GSKIP: variants seen among roughly 807,000 people sequenced by gnomAD.
GSKIP encodes the protein GSK3B interacting protein.
GSKIP carries 5 observed loss-of-function variants against 11.9 expected under a neutral mutation model. The ratio of observed to expected loss-of-function variants is 0.42; its 90% confidence interval spans 0.22 to 0.89. The LOEUF is 0.89. Among genes scored for constraint, GSKIP ranks in the 40% least tolerant of loss-of-function variants. The pLI is 0.29. For synonymous variants in GSKIP, 70 were observed against 62.9 expected (o/e 1.11, Z -0.54); for missense variants, 150 against 166.6 (o/e 0.90, Z 0.55).
At chr14:96,373,785 A>C (rs1429519152) in intron 1 of GSKIP, among the ~76,000 whole-genome samples, 1 of 152,230 alleles carries the variant, frequency 6.6e-6, no homozygotes, top group Non-Finnish European at 1.5e-5. Context: ...TCTTGTCTAA[A>C]AGCAAGACCC....
At chr14:96,372,104 T>C (rs1361113999) in intron 1 of GSKIP, among the ~76,000 whole-genome samples, 1 of 152,236 alleles carries the variant, frequency 6.6e-6, no homozygotes, top group Non-Finnish European at 1.5e-5. Context: ...TAGGCAGTTC[T>C]GTAATATTTC....
intron 2 of GSKIP, 122 bp from the exon 3 acceptor site, chr14:96,382,125 A>G (rs751072510): frequency 1.4e-4 from 82 of 596,498 alleles, no homozygotes; most frequent in Non-Finnish European, 2.0e-4. Flanking sequence ...TTTCCTAACA[A>G]TTGTTAGCTA....
chr14:96,365,665 T>C (rs922410669), intron 1 of GSKIP, among the ~76,000 whole-genome samples: 4 of 151,798 alleles, frequency 2.6e-5, no homozygotes, highest in Non-Finnish European at 5.9e-5. Context: ...ACCCTGTCTT[T>C]ACCAAAAATA....
rs1196250162 is a variant in GSKIP, at chr14:96,383,147, T to TA, written c.258+643dup. ...ACTATAGGCCAGACCTGCGGGCTCT[T>TA]ACCTGTAATCCCAGCACTTAGGGAG... On this transcript the variant is annotated intron_variant, in intron 3 of 3. Coordinates refer to ENST00000555181, the MANE Select transcript of GSKIP (RefSeq NM_016472.5). Among the ~76,000 whole-genome samples, 6 of 152,304 alleles carry TA rather than the reference T, an allele frequency of 3.9e-5. No homozygotes were observed. In the East Asian group the frequency reaches 9.6e-4, roughly 24 times the overall value.
rs1555374127 is a variant in GSKIP, at chr14:96,387,181, T to TAATGTAAATGATAC, written c.*1499_*1500insTGTAAATGATACAA. ...TCAGGCTAAATGTAAATGATATTTGTAAAGTTTGAATAAAATTCTGTTTAC... is the reference window on the plus strand; with the variant it reads ...TCAGGCTAAATGTAAATGATATTTGTAATGTAAATGATACAAAGTTTGAATAAAATTCTGTTTAC... On this transcript the variant is annotated 3_prime_UTR_variant, in exon 4 of 4. Transcript: ENST00000555181. 1 of 152,256 alleles carries TAATGTAAATGATAC rather than the reference T, an allele frequency of 6.6e-6. No homozygotes were observed. The highest frequency in any genetic ancestry group is 1.5e-5 in the Non-Finnish European group (1 of 68,054). 9.4% of individuals were successfully genotyped at this position (152,256 alleles called of 1,614,324 possible).
intron 2 of GSKIP, 41 bp downstream of exon 2, chr14:96,379,829 C>T (rs1889299008): frequency 6.6e-6 from 1 of 152,060 alleles, no homozygotes; most frequent in African/African-American, 2.4e-5. Flanking sequence ...TAAAAAAAAG[C>T]TTTATAAATG....
At position 96,386,525 on chromosome 14, in the gene GSKIP, T is replaced by G. The variant is rs894025483; in HGVS notation, c.*841T>G. 1.3e-5 allele frequency: 2 copies of G among 152,662 alleles called. No homozygotes were observed. Among genetic ancestry groups the G allele is most frequent in the African/African-American group, 4.8e-5 (2 of 41,454 alleles). The allele number at this position is 152,662 out of a possible 1,614,324, so 9.5% of individuals were successfully genotyped here. A position where few individuals can be genotyped will look rare whatever the true frequency, so the allele number is the denominator to read the frequency against. ...GTTGATTCTTATTCTGAATGTGTGT[T>G]TACATAATGTACAGTATATATTCAG... On this transcript the variant is annotated 3_prime_UTR_variant, in exon 4 of 4. Coordinates refer to ENST00000555181, the MANE Select transcript of GSKIP (RefSeq NM_016472.5).
chr14:96,386,297 T>C lies in GSKIP; in HGVS notation c.*613T>C, dbSNP rs1048342432. 2 of 152,562 alleles carry C rather than the reference T, an allele frequency of 1.3e-5. No homozygotes were observed. Among genetic ancestry groups the C allele is most frequent in the Non-Finnish European group, 2.9e-5 (2 of 68,030 alleles). 9.5% of individuals were successfully genotyped at this position (152,562 alleles called of 1,614,324 possible). A position where few individuals can be genotyped will look rare whatever the true frequency, so the allele number is the denominator to read the frequency against. Reference sequence around the variant, plus strand: ...AACAGGGACTGAAATAGTTCTGTATTCCGTGTTTGCAACAGCCAGCCAACT... The same window carrying C: ...AACAGGGACTGAAATAGTTCTGTATCCCGTGTTTGCAACAGCCAGCCAACT... On this transcript the variant is annotated 3_prime_UTR_variant, in exon 4 of 4. Coordinates refer to ENST00000555181, the MANE Select transcript of GSKIP (RefSeq NM_016472.5).
intron 1 of GSKIP, among the ~76,000 whole-genome samples, chr14:96,374,771 A>G (rs182077291): frequency 9.8e-4 from 149 of 152,346 alleles, no homozygotes; most frequent in African/African-American, 3.4e-3. Flanking sequence ...TAGTTCAGAC[A>G]TAGGAAAGTT....
intron 1 of GSKIP, among the ~76,000 whole-genome samples, chr14:96,377,028 C>T (rs1480670083): frequency 2.0e-5 from 3 of 152,204 alleles, no homozygotes; most frequent in Admixed American, 2.0e-4. Flanking sequence ...AGTGCCTTTA[C>T]ATCTGCTGAG....
chr14:96,383,269 C>A (rs1355557208), intron 3 of GSKIP, among the ~76,000 whole-genome samples: 2 of 151,910 alleles, frequency 1.3e-5, no homozygotes, highest in Non-Finnish European at 2.9e-5. Context: ...GTTAATTAAC[C>A]CAACATGGCA....
intron 1 of GSKIP, among the ~76,000 whole-genome samples, chr14:96,369,628 G>A (rs1015997249): frequency 4.6e-5 from 7 of 152,326 alleles, no homozygotes; most frequent in African/African-American, 1.4e-4. Context: ...GCTGTAAGCT[G>A]TATGTCTTTG....
chr14:96,365,218 G>A (rs1171481191), intron 1 of GSKIP: 1 of 151,952 alleles, frequency 6.6e-6, no homozygotes, highest in Non-Finnish European at 1.5e-5. Flanking sequence ...AATGTAAAGG[G>A]AGTGGAGATG....
chr14:96,382,324 A>T lies in GSKIP; in HGVS notation c.77A>T (p.Glu26Val), dbSNP rs983244395. ...FEEGSELNGF[E>V]GTDMKDMRLE... is the part of the protein sequence containing the mutation. ...GAAGGTTCAGAGCTGAACGGTTTTG[A>T]AGGAACTGACATGAAAGACATGAGG... Residue 26 changes from glutamate (E) to valine (V), a missense_variant, in exon 3 of 4, where the codon GAA becomes GTA. Physicochemically the swap from Glu to Val is moderately radical, Grantham distance 121. Coordinates refer to ENST00000555181, the MANE Select transcript of GSKIP (RefSeq NM_016472.5). 6.2e-7 allele frequency: 1 copy of T among 1,613,664 alleles called. No individual in the cohort carries two copies. Among genetic ancestry groups the T allele is most frequent in the African/African-American group, 1.3e-5 (1 of 74,958 alleles).
intron 1 of GSKIP, among the ~76,000 whole-genome samples, chr14:96,377,069 T>C (rs973081271): frequency 6.6e-6 from 1 of 152,234 alleles, no homozygotes; most frequent in Non-Finnish European, 1.5e-5. Context: ...ACTCTGCTTA[T>C]TATATTATCT....
At chr14:96,384,557 C>G (rs1309219550) in intron 3 of GSKIP, 1 of 151,586 alleles carries the variant, frequency 6.6e-6, no homozygotes, top group East Asian at 1.9e-4. Flanking sequence ...CCATGATATA[C>G]CTTATAATCT....
chr14:96,370,651 T>C (rs1295452451), intron 1 of GSKIP, among the ~76,000 whole-genome samples: 1 of 152,144 alleles, frequency 6.6e-6, no homozygotes, highest in Non-Finnish European at 1.5e-5. Flanking sequence ...TCTACCTACC[T>C]ACCTATCTGT....
chr14:96,365,473 G>A (rs1888853424), intron 1 of GSKIP, among the ~76,000 whole-genome samples: 2 of 134,818 alleles, frequency 1.5e-5, no homozygotes, highest in Admixed American at 1.5e-4. Context: ...CAGTTTGGGG[G>A]TGGGGGGTGG....
chr14:96,372,883 G>A (rs1274966877), intron 1 of GSKIP, among the ~76,000 whole-genome samples: 3 of 152,298 alleles, frequency 2.0e-5, no homozygotes, highest in South Asian at 4.1e-4. Flanking sequence ...GCCTGTAGCT[G>A]AATACTAATT....
Sources: allele counts gnomAD v4.1 joint callset (sites outside exome capture counted in the v4.1 genomes callset), GRCh38; gene constraint gnomAD v4.1.1; transcripts MANE v1.5; gene names NCBI Gene and HGNC (gene_info 2026-07-23, HGNC 2026-07-21).